Variants in GADD45G observed in about 807,000 individuals in gnomAD.
GADD45G encodes growth arrest and DNA damage-inducible protein GADD45 gamma.
A neutral mutation model predicts 17.3 loss-of-function variants in GADD45G; 7 were observed. The ratio of observed to expected loss-of-function variants is 0.41; its 90% CI spans 0.23 to 0.76. The LOEUF (loss-of-function observed/expected upper bound fraction) is 0.76, where lower values mean the gene tolerates loss of function less well. Ranked by LOEUF, GADD45G falls within the 30% of genes least tolerant of loss-of-function variation. The pLI, the probability that GADD45G is intolerant of heterozygous loss-of-function variation, is 0.34. For synonymous variants in GADD45G, 93 were observed against 94.9 expected, an observed-to-expected ratio of 0.98 and a Z score of 0.12; for missense variants, 149 against 219.2, an observed-to-expected ratio of 0.68 and a Z score of 2.02.
At position 89,605,799 on chromosome 9, in the gene GADD45G, C is replaced by T. The variant is rs1327829034; in HGVS notation, c.288C>T (p.Gly96=). The T allele has an allele frequency of 1.5e-5, 24 of 1,613,748 alleles. No individual in the cohort carries two copies. The highest frequency in any genetic ancestry group is 2.0e-5 in the Non-Finnish European group (24 of 1,179,954). The change falls in exon 3 of 4, where the codon GGC becomes GGT. Residue 96 remains glycine (G), a synonymous_variant. Transcript: ENST00000252506. ...CENDIDIVRV[G]DVQRLAAIVG... ...ACGACATCGACATAGTGCGCGTGGGCGATGTGCAGCGGCTGGCGGCTATCG... is the reference window on the plus strand; with the variant it reads ...ACGACATCGACATAGTGCGCGTGGGTGATGTGCAGCGGCTGGCGGCTATCG...
rs1198277767 is a variant in GADD45G at position 89,605,953 on chromosome 9, T to C, written c.370-16T>C. 6.2e-7 allele frequency: 1 copy of C among 1,603,964 alleles called. No homozygotes were observed. The highest frequency in any genetic ancestry group is 8.5e-7 in the Non-Finnish European group (1 of 1,174,572). The stretch of plus-strand genomic sequence containing the variant: ...GGCCCGCGGCCAGCCAGGCTGACCC[T>C]GCTCTCTCTCCGCAGAACCCCAACG... On this transcript the variant is annotated splice_polypyrimidine_tract_variant and intron_variant, in intron 3 of 3. Coordinates refer to ENST00000252506, the MANE Select transcript of GADD45G (RefSeq NM_006705.4).
rs1827521789 is a variant in GADD45G, at chr9:89,606,119, C to T, written c.*40C>T. On this transcript the variant is annotated 3_prime_UTR_variant, in exon 4 of 4. Coordinates refer to ENST00000252506, the MANE Select transcript of GADD45G (RefSeq NM_006705.4). ...CCTTGGTCTGATCGACGTGGTGACG[C>T]CCCGGGGCGCCTAGAGCGCGGCTGG... 6.9e-7 allele frequency: 1 copy of T among 1,458,640 alleles called. No individual in the cohort carries two copies. Among genetic ancestry groups the T allele is most frequent in the Non-Finnish European group, 9.5e-7 (1 of 1,054,028 alleles). 90.4% of individuals were successfully genotyped at this position (1,458,640 alleles called of 1,614,324 possible). A position where few individuals can be genotyped will look rare whatever the true frequency, so the allele number is the denominator to read the frequency against.
chr9:89,605,985 C>A lies in GADD45G; in HGVS notation c.386C>A (p.Ala129Asp). 1 of 1,613,276 alleles carries A rather than the reference C, an allele frequency of 6.2e-7. No homozygotes were observed. The highest frequency in any genetic ancestry group is 1.7e-5 in the Admixed American group (1 of 59,932). The part of the protein sequence containing the change: ...CILISNPNED[A>D]WKDPALEKLS... ...TCTCCGCAGAACCCCAACGAGGACG[C>A]CTGGAAGGATCCCGCCTTGGAGAAG... The change falls in exon 4 of 4, where the codon GCC becomes GAC. Residue 129 changes from alanine (A) to aspartate (D), a missense_variant. By Grantham distance (126) the Ala-to-Asp change is moderately radical. Transcript: ENST00000252506.
chr9:89,605,444 C>T lies in GADD45G; in HGVS notation c.66C>T (p.Ala22=). The part of the protein sequence containing the change: ...VPESTARMQG[A]GKALHELLLS... ...GGCTCCTCCGCAGGATGCAGGGTGC[C>T]GGGAAAGCGCTGCATGAGTTGCTGC... Residue 22 remains alanine (A), a synonymous_variant, in exon 2 of 4, where the codon GCC becomes GCT. Transcript: ENST00000252506. 1 of 1,554,920 alleles carries T rather than the reference C, an allele frequency of 6.4e-7. No individual in the cohort carries two copies. Among genetic ancestry groups the T allele is most frequent in the East Asian group, 2.4e-5 (1 of 41,270 alleles).
In GADD45G at chr9:89,605,648, C is replaced by A. The variant is rs80063572; in HGVS notation, c.156-19C>A. The A allele has an allele frequency of 1.6e-5, 23 of 1,439,378 alleles. No individual in the cohort carries two copies. The highest frequency in any genetic ancestry group is 2.2e-5 in the Non-Finnish European group (23 of 1,028,476). 89.2% of individuals were successfully genotyped at this position (1,439,378 alleles called of 1,614,324 possible). On this transcript the variant is annotated intron_variant, in intron 2 of 3. Transcript: ENST00000252506. ...TCGGCTAGCCGGTTCTGACCTAGGT[C>A]CCCGCCTTGCCCTCGCAGGGACCCC...
rs1428664688 is a variant in GADD45G at position 89,605,513 on chromosome 9, G to A, written c.135G>A (p.Glu45=). 1.3e-6 allele frequency: 2 copies of A among 1,562,142 alleles called. No homozygotes were observed. Among genetic ancestry groups the A allele is most frequent in the Non-Finnish European group, 1.7e-6 (2 of 1,152,248 alleles). ...GCTGCCTCACTGCCGGCGTCTACGA[G>A]TCAGCCAAAGTCTTGAACGTGTAAG... ...RQGCLTAGVY[E]SAKVLNVDPD... Residue 45 remains glutamate, a synonymous_variant, in exon 2 of 4, where the codon GAG becomes GAA. Transcript: ENST00000252506.
chr9:89,606,346 G>A lies in GADD45G; in HGVS notation c.*267G>A. The A allele has an allele frequency of 3.8e-6, 2 of 520,760 alleles. No homozygotes were observed. The allele number at this position is 520,760 out of a possible 1,614,324, so 32.3% of individuals were successfully genotyped here. ...GCCTAGGCTAGGACGTTGGCCTCAG[G>A]GCCAGGAAGGACAGACTGGCCGGGC... is the stretch of plus-strand genomic sequence containing the variant. On this transcript the variant is annotated 3_prime_UTR_variant, in exon 4 of 4. Coordinates refer to ENST00000252506, the MANE Select transcript of GADD45G (RefSeq NM_006705.4).
In GADD45G at chr9:89,605,703, G is replaced by A; in HGVS notation, c.192G>A (p.Ala64=). 2 of 1,614,106 alleles carry A rather than the reference G, an allele frequency of 1.2e-6. No individual in the cohort carries two copies. The highest frequency in any genetic ancestry group is 1.7e-6 in the Non-Finnish European group (2 of 1,180,004). The change falls in exon 3 of 4, where the codon GCG becomes GCA. Residue 64 remains alanine (A), a synonymous_variant. Transcript: ENST00000252506. ...PDNVTFCVLA[A]GEEDEGDIAL... ...ATGTGACCTTCTGTGTGCTGGCTGC[G>A]GGTGAGGAGGACGAGGGCGACATCG...
chr9:89,605,464 T>G lies in GADD45G; in HGVS notation c.86T>G (p.Leu29Trp), dbSNP rs1827508179. 6.4e-7 allele frequency: 1 copy of G among 1,559,872 alleles called. No individual in the cohort carries two copies. Among genetic ancestry groups the G allele is most frequent in the Admixed American group, 1.9e-5 (1 of 52,820 alleles). The part of the protein sequence containing the change: ...MQGAGKALHE[L>W]LLSAQRQGCL... ...GGTGCCGGGAAAGCGCTGCATGAGT[T>G]GCTGCTGTCGGCGCAGCGTCAGGGC... The change falls in exon 2 of 4, where the codon TTG becomes TGG. Residue 29 changes from leucine (L) to tryptophan (W), a missense_variant. Transcript: ENST00000252506.
Position 89,605,667 on chromosome 9 carries a change from G to A in GADD45G, c.156G>A (p.Val52=). The A allele has an allele frequency of 1.2e-6, 2 of 1,613,810 alleles. No homozygotes were observed. The highest frequency in any genetic ancestry group is 1.6e-4 in the Middle Eastern group (1 of 6,062). The change falls in exon 3 of 4, where the codon GTG becomes GTA. Residue 52 remains valine (V), a splice_region_variant and synonymous_variant. Coordinates refer to ENST00000252506, the MANE Select transcript of GADD45G (RefSeq NM_006705.4). The part of the protein sequence containing the change: ...GVYESAKVLN[V]DPDNVTFCVL... ...CTAGGTCCCCGCCTTGCCCTCGCAG[G>A]GACCCCGACAATGTGACCTTCTGTG...
chr9:89,605,622 C>T lies in GADD45G; in HGVS notation c.156-45C>T, dbSNP rs200114148. 50 of 1,581,798 alleles carry T rather than the reference C, an allele frequency of 3.2e-5. No homozygotes were observed. The East Asian group carries it at 1.2e-3, about 37-fold the overall frequency. ...GATGGGAGGGGTGGCGGCGGGAGAA[C>T]TCGGCTAGCCGGTTCTGACCTAGGT... On this transcript the variant is annotated intron_variant, in intron 2 of 3. Coordinates refer to ENST00000252506, the MANE Select transcript of GADD45G (RefSeq NM_006705.4).
In GADD45G at chr9:89,606,201, G is replaced by T. The variant is rs1002233941; in HGVS notation, c.*122G>T. The T allele has an allele frequency of 3.6e-5, 27 of 747,212 alleles. No individual in the cohort carries two copies. The highest frequency in any genetic ancestry group is 3.2e-4 in the Admixed American group (13 of 41,038). The allele number at this position is 747,212 out of a possible 1,614,324, so 46.3% of individuals were successfully genotyped here. A position where few individuals can be genotyped will look rare whatever the true frequency, so the allele number is the denominator to read the frequency against. The stretch of plus-strand genomic sequence containing the variant: ...GTGCGGCGTGGAGACTGGCAGGCGG[G>T]GGGGGCGCCTGGAGAGCGAGGAGGC... On this transcript the variant is annotated 3_prime_UTR_variant, in exon 4 of 4. Coordinates refer to ENST00000252506, the MANE Select transcript of GADD45G (RefSeq NM_006705.4).
intron 2 of GADD45G, 24 bp downstream of exon 2, chr9:89,605,557 T>G (rs1407311379): frequency 6.4e-7 from 1 of 1,558,718 alleles, no homozygotes; most frequent in Non-Finnish European, 8.7e-7. Context: ...CGGCCCAGGC[T>G]GGGAGACAGG....
At position 89,605,595 on chromosome 9, in the gene GADD45G, C is replaced by A. The variant is rs541842336; in HGVS notation, c.155+62C>A. 4.2e-5 allele frequency: 66 copies of A among 1,560,692 alleles called. No individual in the cohort carries two copies. The African/African-American group carries it at 6.8e-4, about 16-fold the overall frequency. ...CGGGGGTGAATGGCGAGGAGACTGG[C>A]GGATGGGAGGGGTGGCGGCGGGAGA... On this transcript the variant is annotated intron_variant, in intron 2 of 3. Coordinates refer to ENST00000252506, the MANE Select transcript of GADD45G (RefSeq NM_006705.4).
In GADD45G at chr9:89,605,096, A is replaced by G; in HGVS notation, c.-26A>G. 1 of 1,607,712 alleles carries G rather than the reference A, an allele frequency of 6.2e-7. No individual in the cohort carries two copies. On this transcript the variant is annotated 5_prime_UTR_variant, in exon 1 of 4. Coordinates refer to ENST00000252506, the MANE Select transcript of GADD45G (RefSeq NM_006705.4). ...TCCCCTCCGCGCTCTCCGCTTGTGGATAACTAGCTGCTGGTTGATCGCACT... is the reference window on the plus strand; with the variant it reads ...TCCCCTCCGCGCTCTCCGCTTGTGGGTAACTAGCTGCTGGTTGATCGCACT...
intron 3 of GADD45G, 37 bp from the exon 4 acceptor site, chr9:89,605,932 C>G: frequency 6.3e-7 from 1 of 1,591,014 alleles, no homozygotes; most frequent in Non-Finnish European, 8.6e-7. Flanking sequence ...CGCCTCGGCC[C>G]GCGGCCAGCC....
rs751724853 is a variant in GADD45G, at chr9:89,605,043, G to A, written c.-79G>A. Reference sequence around the variant, plus strand: ...GCTGGTGGTGGGCGCGCCGTGCTGAGCTCTGGCTGTCAGTGTGTTCGCCCG... The same window carrying A: ...GCTGGTGGTGGGCGCGCCGTGCTGAACTCTGGCTGTCAGTGTGTTCGCCCG... On this transcript the variant is annotated 5_prime_UTR_variant, in exon 1 of 4. Transcript: ENST00000252506. The A allele has an allele frequency of 3.8e-4, 438 of 1,150,714 alleles. No homozygotes were observed. The highest frequency in any genetic ancestry group is 5.2e-4 in the Non-Finnish European group (404 of 777,278). The allele number at this position is 1,150,714 out of a possible 1,614,324, so 71.3% of individuals were successfully genotyped here. A position where few individuals can be genotyped will look rare whatever the true frequency, so the allele number is the denominator to read the frequency against.
In GADD45G at chr9:89,606,109, C is replaced by A; in HGVS notation, c.*30C>A. The A allele has an allele frequency of 6.6e-7, 1 of 1,513,280 alleles. No homozygotes were observed. The highest frequency in any genetic ancestry group is 9.1e-7 in the Non-Finnish European group (1 of 1,099,574). The allele number at this position is 1,513,280 out of a possible 1,614,324, so 93.7% of individuals were successfully genotyped here. On this transcript the variant is annotated 3_prime_UTR_variant, in exon 4 of 4. Transcript: ENST00000252506. ...CCGGCGGGGACCTTGGTCTGATCGA[C>A]GTGGTGACGCCCCGGGGCGCCTAGA...
Position 89,605,339 on chromosome 9 carries a change from T to C in GADD45G, c.54-93T>C, listed in dbSNP as rs760042203. ...AGCCGGGATTGGAGTGTGGTTGGAG[T>C]TGGGGAGCCAAGGGTGTGTGCCGGT... is the stretch of plus-strand genomic sequence containing the variant. On this transcript the variant is annotated intron_variant, in intron 1 of 3. Transcript: ENST00000252506. The C allele has an allele frequency of 3.6e-6, 4 of 1,123,682 alleles. No individual in the cohort carries two copies. The South Asian group carries it at 5.4e-5, about 15-fold the overall frequency. The allele number at this position is 1,123,682 out of a possible 1,614,324, so 69.6% of individuals were successfully genotyped here. A position where few individuals can be genotyped will look rare whatever the true frequency, so the allele number is the denominator to read the frequency against.
Sources: allele counts gnomAD v4.1 joint callset, GRCh38; gene constraint gnomAD v4.1.1; transcripts MANE v1.5; gene names NCBI Gene and HGNC (gene_info 2026-07-23, HGNC 2026-07-21).